NPHP1: variants seen among roughly 807,000 people sequenced by gnomAD.
NPHP1 encodes the protein nephrocystin 1.
NPHP1 carries 70 observed loss-of-function variants against 90.4 expected under a neutral mutation model. The ratio of observed to expected loss-of-function variants is 0.77; its 90% CI spans 0.64 to 0.95. The LOEUF (loss-of-function observed/expected upper bound fraction) is 0.95. NPHP1 is among the 40% of genes least tolerant of loss of function. The probability of loss-of-function intolerance (pLI) is 0.00; values close to 1 mark genes in which losing one functional copy is unlikely to be tolerated. For synonymous variants in NPHP1, 256 were observed against 271.7 expected, an observed-to-expected ratio of 0.94 and a Z score of 0.57; for missense variants, 764 against 795.9, an observed-to-expected ratio of 0.96 and a Z score of 0.48.
chr2:110,137,825 G>A (rs1483727462), intron 16 of NPHP1, among the ~76,000 whole-genome samples: 1 of 151,068 alleles, frequency 6.6e-6, no homozygotes, highest in Non-Finnish European at 1.5e-5. Flanking sequence ...CCATTACTGG[G>A]TATATACCCA....
rs777862961 is a variant in NPHP1 at position 110,161,665 on chromosome 2, G to A, written c.892C>T (p.Pro298Ser). The A allele has an allele frequency of 1.2e-6, 2 of 1,613,010 alleles. No individual in the cohort carries two copies. Among genetic ancestry groups the A allele is most frequent in the South Asian group, 1.1e-5 (1 of 91,040 alleles). The part of the protein sequence containing the change: ...NQFRANYFLQ[P>S]ELMPSQLAFR... The stretch of plus-strand genomic sequence containing the variant: ...GCCAGTTGTGAAGGCATGAGCTCTG[G>A]TTGTAAGAAGTAATTTGCTCGAAAT... Residue 298 changes from proline to serine, a missense_variant, in exon 10 of 20, where the codon CCA (proline) becomes TCA (serine). Transcript: ENST00000445609.
intron 6 of NPHP1, among the ~76,000 whole-genome samples, chr2:110,168,104 AT>A (rs1441241965): frequency 6.6e-6 from 1 of 152,192 alleles, no homozygotes; most frequent in African/African-American, 2.4e-5. Context: ...GTATGTTCAC[AT>A]TTTAGTAAGG....
chr2:110,150,088 A>G (rs1236753545), intron 12 of NPHP1, 94 bp downstream of exon 12: 7 of 999,366 alleles, frequency 7.0e-6, no homozygotes, highest in South Asian at 3.8e-5. Flanking sequence ...CTAAAGATTT[A>G]TATCTGTTCC....
intron 4 of NPHP1, among the ~76,000 whole-genome samples, chr2:110,172,233 TATTG>T (rs1683181884): frequency 6.6e-6 from 1 of 152,128 alleles, no homozygotes; most frequent in Non-Finnish European, 1.5e-5. Flanking sequence ...GTGGAATCTG[TATTG>T]ATTTTTTTTC....
rs79771469 is a variant in NPHP1 at position 110,181,137 on chromosome 2, G to A, written c.144-1453C>T. On this transcript the variant is annotated intron_variant, in intron 2 of 19. Transcript: ENST00000445609. Reference sequence around the variant, plus strand: ...AACCAAAGCAGTCTGGAATCTTTCTGAGGCAGTTCCAAGTTACCGGGGCAG... The same window carrying A: ...AACCAAAGCAGTCTGGAATCTTTCTAAGGCAGTTCCAAGTTACCGGGGCAG... 1.1e-3 allele frequency among the ~76,000 whole-genome samples: 166 copies of A among 152,300 alleles called. 4 individuals carry two copies. The East Asian group carries it at 0.031, about 28-fold the overall frequency.
At position 110,165,157 on chromosome 2, in the gene NPHP1, T is replaced by A; in HGVS notation, c.625-2A>T. The A allele has an allele frequency of 6.2e-7, 1 of 1,606,868 alleles. No individual in the cohort carries two copies. Among genetic ancestry groups the A allele is most frequent in the Non-Finnish European group, 8.5e-7 (1 of 1,173,612 alleles). On this transcript the variant is annotated splice_acceptor_variant, in intron 6 of 19. Transcript: ENST00000445609. LOFTEE classifies it high-confidence loss of function. ...GCCTTCTTCTTCTTCACTATAAGGC[T>A]AAAAAACCATTGAAATGTGAAGTGC...
intron 17 of NPHP1, among the ~76,000 whole-genome samples, chr2:110,131,283 T>G (rs1300250051): frequency 6.6e-6 from 1 of 152,206 alleles, no homozygotes; most frequent in Non-Finnish European, 1.5e-5. Flanking sequence ...CTAATCCATT[T>G]GATACTTATA....
intron 2 of NPHP1, among the ~76,000 whole-genome samples, chr2:110,181,236 C>T (rs1683885684): frequency 1.3e-5 from 2 of 152,142 alleles, no homozygotes; most frequent in South Asian, 2.1e-4. Context: ...ACAAATGGTC[C>T]AGAAGAAAGA....
At chr2:110,160,061 A>T in intron 11 of NPHP1, 66 bp downstream of exon 11, 1 of 1,550,708 alleles carries the variant, frequency 6.4e-7, no homozygotes, top group Non-Finnish European at 8.9e-7. Flanking sequence ...GTTGAATGGA[A>T]AAGAATCTAA....
chr2:110,133,953 C>T (rs1679977843), intron 16 of NPHP1, among the ~76,000 whole-genome samples: 1 of 151,918 alleles, frequency 6.6e-6, no homozygotes, highest in African/African-American at 2.4e-5. Context: ...AACAACCTAA[C>T]TTTATGCCCT....
chr2:110,165,327 T>A (rs1304469917), intron 6 of NPHP1, among the ~76,000 whole-genome samples, 172 bp from the exon 7 acceptor site: 2 of 152,126 alleles, frequency 1.3e-5, no homozygotes, highest in African/African-American at 4.8e-5. Flanking sequence ...TAGATGGGAA[T>A]TTAGTATATA....
chr2:110,204,537 G>C (rs1486445257), intron 1 of NPHP1, among the ~76,000 whole-genome samples: 1 of 152,168 alleles, frequency 6.6e-6, no homozygotes, highest in Non-Finnish European at 1.5e-5. Context: ...TAGGCTCAGA[G>C]TTGGGTTGGA....
At chr2:110,187,672 C>CT (rs1684391725) in intron 2 of NPHP1, among the ~76,000 whole-genome samples, 8 of 152,168 alleles carry the variant, frequency 5.3e-5, no homozygotes, top group Admixed American at 2.6e-4. Flanking sequence ...TGATTGTATC[C>CT]AGCATCCTCC....
intron 11 of NPHP1, among the ~76,000 whole-genome samples, chr2:110,157,345 G>T (rs73954625): frequency 0.011 from 1,718 of 152,086 alleles, 27 homozygotes; most frequent in African/African-American, 0.04. Flanking sequence ...TTCAGCTCTT[G>T]GTCACTGAGG....
Position 110,201,438 on chromosome 2 carries a change from T to C in NPHP1, c.126A>G (p.Arg42=). 6.2e-7 allele frequency: 1 copy of C among 1,607,818 alleles called. No homozygotes were observed. The highest frequency in any genetic ancestry group is 8.5e-7 in the Non-Finnish European group (1 of 1,175,528). The change falls in exon 2 of 20, where the codon AGA becomes AGG. Residue 42 remains arginine (R), a synonymous_variant. Transcript: ENST00000445609. The part of the protein sequence containing the change: ...QLKEALEPNK[R]QHIYQRCIQL... ...TACTTTACCTTTGATAAATATGTTG[T>C]CTTTTATTGGGTTCTAGAGCTTCTT...
chr2:110,178,748 T>C, intron 3 of NPHP1: 1 of 555,432 alleles, frequency 1.8e-6, no homozygotes. Flanking sequence ...AATAAAATTA[T>C]ACCACTTGTT....
chr2:110,196,303 T>G (rs1226357612), intron 2 of NPHP1, among the ~76,000 whole-genome samples: 1 of 150,502 alleles, frequency 6.6e-6, no homozygotes, highest in Non-Finnish European at 1.5e-5. Flanking sequence ...CAAACAAATT[T>G]ACAAGAAAAA....
intron 2 of NPHP1, among the ~76,000 whole-genome samples, chr2:110,185,647 C>A (rs562471839): frequency 6.6e-6 from 1 of 152,178 alleles, no homozygotes; most frequent in African/African-American, 2.4e-5. Context: ...GCTATCAATG[C>A]CCCCTGACTG....
rs550620543 is a variant in NPHP1, at chr2:110,156,422, ACCTTTCTTTTGTAATTTGC to A, written c.1083+3686_1083+3704del. On this transcript the variant is annotated intron_variant, in intron 11 of 19. Transcript: ENST00000445609. The stretch of plus-strand genomic sequence containing the variant: ...CCATGCGGAACTGTAAGTCCAATAA[ACCTTTCTTTTGTAATTTGC>A]CCTTTCTTGGGTATGTCTTTATCAG... 9.0e-4 allele frequency among the ~76,000 whole-genome samples: 137 copies of A among 152,124 alleles called. 1 individual carries two copies. Among genetic ancestry groups the A allele is most frequent in the Non-Finnish European group, 1.6e-3 (111 of 67,992 alleles).
Sources: gnomAD v4.1 joint callset for allele counts (sites outside exome capture counted in the v4.1 genomes callset) on GRCh38, gnomAD v4.1.1 for gene constraint, MANE v1.5 for transcripts, NCBI Gene and HGNC (gene_info 2026-07-23, HGNC 2026-07-21) for gene names.